Variants in DMXL1 observed in about 807,000 individuals in gnomAD.
The protein encoded by DMXL1 is Dmx like 1, also known as dmX-like protein 1.
A neutral mutation model predicts 319.2 loss-of-function variants in DMXL1; 99 were observed. The observed-to-expected ratio is 0.31, with a 90% CI of 0.26 to 0.37. The LOEUF is 0.37. DMXL1 is among the 10% of genes least tolerant of loss of function. DMXL1 has a pLI of 1.00. For synonymous variants in DMXL1, 1,385 were observed against 1,235.2 expected (o/e 1.12, Z -2.54); for missense variants, 3,745 against 3,595.6 (o/e 1.04, Z -1.06).
intron 39 of DMXL1, among the ~76,000 whole-genome samples, chr5:119,234,172 C>T (rs1377599475): frequency 6.6e-6 from 1 of 152,042 alleles, no homozygotes; most frequent in Non-Finnish European, 1.5e-5. Context: ...TTCAAACTGC[C>T]CCCCTCCCCA....
intron 2 of DMXL1, 146 bp from the exon 3 acceptor site, chr5:119,101,789 A>T (rs773191297): frequency 1.8e-5 from 11 of 620,272 alleles, no homozygotes; most frequent in East Asian, 3.0e-5. Flanking sequence ...CAGATGTGAT[A>T]GTCTTCAAAA....
At chr5:119,124,563 C>CTTT (rs34589863) in intron 9 of DMXL1, among the ~76,000 whole-genome samples, 15 of 102,956 alleles carry the variant, frequency 1.5e-4, no homozygotes, top group East Asian at 3.7e-4. Flanking sequence ...ATGGTGATGA[C>CTTT]TTTTTTTTTT....
rs369785633 is a variant in DMXL1 at position 119,088,911 on chromosome 5, C to T, written c.88-9068C>T. ...ATAATAGAGTTATGAATAGGTTACACACCACAATTACAGTATTCTTCTAGA... is the reference window on the plus strand; with the variant it reads ...ATAATAGAGTTATGAATAGGTTACATACCACAATTACAGTATTCTTCTAGA... On this transcript the variant is annotated intron_variant, in intron 1 of 43. Transcript: ENST00000539542. Among the ~76,000 whole-genome samples the T allele has an allele frequency of 4.3e-4, 66 of 152,168 alleles. No homozygotes were observed. The East Asian group carries it at 0.012, about 29-fold the overall frequency.
Position 119,129,222 on chromosome 5 carries a change from C to T in DMXL1, c.1114C>T (p.Leu372Phe). The T allele has an allele frequency of 6.2e-7, 1 of 1,605,828 alleles. No homozygotes were observed. The highest frequency in any genetic ancestry group is 1.1e-5 in the South Asian group (1 of 89,260). The change falls in exon 10 of 44, where the codon CTT (leucine) becomes TTT (phenylalanine). Residue 372 changes from leucine to phenylalanine, a missense_variant. By Grantham distance (22) the Leu-to-Phe change is conservative. This residue lies in a region of DMXL1 where 2,096 missense variants were observed against 1,985.4 expected (regional missense o/e 1.06). Coordinates refer to ENST00000539542, the MANE Select transcript of DMXL1 (RefSeq NM_001290321.3). ...TTTTTCTCTTATAGACATTCCACTT[C>T]TTCCATCTATTACATCTCTGAGTCT... is the stretch of plus-strand genomic sequence containing the variant. ...SINPATDIPL[L>F]PSITSLSLNE... is the part of the protein sequence containing the mutation.
Position 119,170,343 on chromosome 5 carries a change from A to G in DMXL1, c.5552A>G (p.Asn1851Ser). 3 of 1,614,018 alleles carry G rather than the reference A, an allele frequency of 1.9e-6. No individual in the cohort carries two copies. Among genetic ancestry groups the G allele is most frequent in the Non-Finnish European group, 2.5e-6 (3 of 1,179,962 alleles). ...TGKSGLAGTI[N>S]LSERRLFFTT... ...AAAAGTGGACTGGCAGGAACAATTAATTTAAGTGAAAGACGTTTATTTTTT... is the reference window on the plus strand; with the variant it reads ...AAAAGTGGACTGGCAGGAACAATTAGTTTAAGTGAAAGACGTTTATTTTTT... The change falls in exon 24 of 44, where the codon AAT becomes AGT. Residue 1851 changes from asparagine to serine, a missense_variant. Coordinates refer to ENST00000539542, the MANE Select transcript of DMXL1 (RefSeq NM_001290321.3).
rs1402106422 is a variant in DMXL1 at position 119,220,920 on chromosome 5, T to C, written c.8136-20T>C. On this transcript the variant is annotated intron_variant, in intron 36 of 43. Coordinates refer to ENST00000539542, the MANE Select transcript of DMXL1 (RefSeq NM_001290321.3). The stretch of plus-strand genomic sequence containing the variant: ...AAGAAATGATGAGTTGTTTTTATTC[T>C]GGTTGACATTCCTTTATAGATCAGA... The C allele has an allele frequency of 1.9e-6, 3 of 1,606,632 alleles. No individual in the cohort carries two copies. In the African/African-American group the frequency reaches 4.0e-5, roughly 22 times the overall value.
At chr5:119,104,953 G>T (rs1441853669) in intron 3 of DMXL1, among the ~76,000 whole-genome samples, 2 of 152,162 alleles carry the variant, frequency 1.3e-5, no homozygotes, top group Admixed American at 1.3e-4. Context: ...GTAGCGTATG[G>T]TTATTGATTG....
chr5:119,120,346 G>C (rs554072156), intron 8 of DMXL1, among the ~76,000 whole-genome samples: 2 of 152,362 alleles, frequency 1.3e-5, no homozygotes, highest in African/African-American at 2.4e-5. Flanking sequence ...ATGGTTACAT[G>C]TAGTAATAGC....
intron 34 of DMXL1, among the ~76,000 whole-genome samples, chr5:119,213,320 C>G (rs968766773): frequency 6.6e-6 from 1 of 152,118 alleles, no homozygotes; most frequent in African/African-American, 2.4e-5. Flanking sequence ...CTTCTGCCTC[C>G]TCTAACAGAG....
chr5:119,190,422 C>T (rs1423248276), intron 29 of DMXL1, among the ~76,000 whole-genome samples: 1 of 152,192 alleles, frequency 6.6e-6, no homozygotes, highest in Non-Finnish European at 1.5e-5. Context: ...ACTTTTTGAT[C>T]AGTGACCAAT....
intron 2 of DMXL1, among the ~76,000 whole-genome samples, chr5:119,099,631 A>G (rs953012608): frequency 2.0e-5 from 3 of 152,194 alleles, no homozygotes; most frequent in Non-Finnish European, 4.4e-5. Context: ...GAGCTGGTTA[A>G]TGTTAAAAAT....
chr5:119,209,765 T>A (rs951133408), intron 34 of DMXL1, among the ~76,000 whole-genome samples: 19 of 152,236 alleles, frequency 1.2e-4, no homozygotes, highest in Admixed American at 1.2e-3. Flanking sequence ...TCTTATCACA[T>A]GCTTATTTGC....
intron 2 of DMXL1, among the ~76,000 whole-genome samples, chr5:119,100,383 C>G (rs1756977489): frequency 6.6e-6 from 1 of 151,028 alleles, no homozygotes; most frequent in Admixed American, 6.6e-5. Context: ...TTGCAGTGAG[C>G]TGAGATCGTG....
intron 39 of DMXL1, among the ~76,000 whole-genome samples, chr5:119,234,792 A>G (rs1429014545): frequency 1.3e-5 from 2 of 152,284 alleles, no homozygotes; most frequent in East Asian, 3.9e-4. Flanking sequence ...GTATTATATA[A>G]CAAAAAACAT....
At chr5:119,133,053 A>G in intron 10 of DMXL1, 79 bp from the exon 11 acceptor site, 9 of 1,513,568 alleles carry the variant, frequency 5.9e-6, no homozygotes, top group Admixed American at 3.7e-5. Context: ...GTGTTCAGCT[A>G]TCCAGAAGCT....
chr5:119,177,418 C>T lies in DMXL1; in HGVS notation c.6820C>T (p.Pro2274Ser), dbSNP rs145855824. 5.1e-4 allele frequency: 814 copies of T among 1,609,106 alleles called. No individual in the cohort carries two copies. The highest frequency in any genetic ancestry group is 6.5e-4 in the Non-Finnish European group (767 of 1,176,900). ...VYQTVLLPHR[P>S]SLKTGSLDEA... ...TCAGACAGTACTGCTTCCTCATCGA[C>T]CTTCTTTGAAAACAGGAAGCTTAGA... The change falls in exon 27 of 44, where the codon CCT (proline) becomes TCT (serine). Residue 2274 changes from proline to serine, a missense_variant. This residue lies in a region of DMXL1 where 1,382 missense variants were observed against 1,269.5 expected (regional missense o/e 1.09). Coordinates refer to ENST00000539542, the MANE Select transcript of DMXL1 (RefSeq NM_001290321.3).
At chr5:119,206,298 C>T (rs571531311) in intron 33 of DMXL1, among the ~76,000 whole-genome samples, 1 of 151,950 alleles carries the variant, frequency 6.6e-6, no homozygotes, top group Non-Finnish European at 1.5e-5. Flanking sequence ...CTTTCTTTAA[C>T]AAGTACTACT....
At position 119,248,891 on chromosome 5, in the gene DMXL1, T is replaced by C. The variant is rs982486931; in HGVS notation, c.*1672T>C. The C allele has an allele frequency of 7.9e-5, 12 of 152,488 alleles. No homozygotes were observed. The highest frequency in any genetic ancestry group is 1.6e-4 in the Non-Finnish European group (11 of 67,928). The allele number at this position is 152,488 out of a possible 1,614,324, so 9.4% of individuals were successfully genotyped here. A position where few individuals can be genotyped will look rare whatever the true frequency, so the allele number is the denominator to read the frequency against. On this transcript the variant is annotated 3_prime_UTR_variant, in exon 44 of 44. Transcript: ENST00000539542. ...CATTGCAAACAATAGTATTGTTTGA[T>C]GTAGTTAACCTTAAGTTATTTTTCA...
At chr5:119,193,767 T>G (rs1779111847) in intron 29 of DMXL1, 61 bp from the exon 30 acceptor site, 2 of 1,466,550 alleles carry the variant, frequency 1.4e-6, no homozygotes, top group East Asian at 4.6e-5. Flanking sequence ...TATTAGACTG[T>G]ATGTTTGAAT....
Sources: allele counts gnomAD v4.1 joint callset (sites outside exome capture counted in the v4.1 genomes callset), GRCh38; gene constraint gnomAD v4.1.1; regional missense constraint gnomAD v4.1.1; transcripts MANE v1.5; gene names NCBI Gene and HGNC (gene_info 2026-07-23, HGNC 2026-07-21).